Variants in PTPRD observed in about 807,000 individuals in gnomAD.
PTPRD encodes the protein receptor-type tyrosine-protein phosphatase delta.
A neutral mutation model predicts 214.5 loss-of-function variants in PTPRD; 34 were observed. That is an observed-to-expected ratio of 0.16 (90% CI 0.12 to 0.21). The LOEUF is 0.21. Ranked by LOEUF, PTPRD falls within the 10% of genes least tolerant of loss-of-function variation. PTPRD has a pLI of 1.00. For synonymous variants in PTPRD, 1,128 were observed against 845.7 expected, an observed-to-expected ratio of 1.33 and a Z score of -5.79; for missense variants, 2,545 against 2,398.7, an observed-to-expected ratio of 1.06 and a Z score of -1.27.
At chr9:8,441,838 T>A (rs991039108) in intron 34 of PTPRD, among the ~76,000 whole-genome samples, 1 of 152,256 alleles carries the variant, frequency 6.6e-6, no homozygotes. Context: ...TGTAGCTACA[T>A]GAGGAATCTG....
chr9:9,804,542 T>C (rs920176100), intron 5 of PTPRD, among the ~76,000 whole-genome samples: 1 of 152,148 alleles, frequency 6.6e-6, no homozygotes, highest in African/African-American at 2.4e-5. Flanking sequence ...CCTTAACTCT[T>C]TTGAGGAAGA....
intron 11 of PTPRD, among the ~76,000 whole-genome samples, chr9:8,955,742 T>C (rs1588825845): frequency 6.6e-6 from 1 of 151,828 alleles, no homozygotes; most frequent in East Asian, 1.9e-4. Flanking sequence ...CTAAAATGTA[T>C]GCCTTTTAAT....
intron 11 of PTPRD, among the ~76,000 whole-genome samples, chr9:8,935,672 G>A (rs973246657): frequency 6.6e-6 from 1 of 152,154 alleles, no homozygotes; most frequent in Non-Finnish European, 1.5e-5. Flanking sequence ...TTGCTTCACT[G>A]GGGAAGGCCC....
chr9:10,449,342 T>C (rs2130743858), intron 2 of PTPRD, among the ~76,000 whole-genome samples: 1 of 152,000 alleles, frequency 6.6e-6, no homozygotes, highest in South Asian at 2.1e-4. Flanking sequence ...CACTCAGTGC[T>C]CAATGTCGCC....
intron 4 of PTPRD, among the ~76,000 whole-genome samples, chr9:9,989,945 C>A (rs2095855987): frequency 6.6e-6 from 1 of 152,164 alleles, no homozygotes; most frequent in African/African-American, 2.4e-5. Context: ...AGAAAGCAAG[C>A]CACCCCTTCA....
chr9:8,993,565 G>C (rs539114338), intron 11 of PTPRD, among the ~76,000 whole-genome samples: 2 of 152,062 alleles, frequency 1.3e-5, no homozygotes, highest in Non-Finnish European at 2.9e-5. Context: ...AGAATGCAAT[G>C]ATATATTTGG....
At chr9:8,371,322 A>C (rs536594801) in intron 39 of PTPRD, among the ~76,000 whole-genome samples, 1 of 152,250 alleles carries the variant, frequency 6.6e-6, no homozygotes, top group South Asian at 2.1e-4. Context: ...AAAATGCCAT[A>C]TGTAATTCAA....
rs2098611329 is a variant in PTPRD, at chr9:10,105,153, C to A, written c.-544-71363G>T. Among the ~76,000 whole-genome samples, 3 of 151,842 alleles carry A rather than the reference C, an allele frequency of 2.0e-5. No homozygotes were observed. The South Asian group carries it at 6.2e-4, about 32-fold the overall frequency. On this transcript the variant is annotated intron_variant, in intron 3 of 45. Coordinates refer to ENST00000381196, the MANE Select transcript of PTPRD (RefSeq NM_002839.4). ...ACTCTTTGAGGATGGGAATTATTAT[C>A]ATTTATTATTTTACTGATTTTTTTT...
chr9:8,814,291 T>C (rs1192380943), intron 11 of PTPRD, among the ~76,000 whole-genome samples: 4 of 152,122 alleles, frequency 2.6e-5, no homozygotes, highest in Admixed American at 2.0e-4. Context: ...TATGCGGCTA[T>C]GAAGTGCCCT....
At chr9:9,671,368 G>T (rs2096829233) in intron 7 of PTPRD, among the ~76,000 whole-genome samples, 1 of 152,114 alleles carries the variant, frequency 6.6e-6, no homozygotes, top group Admixed American at 6.5e-5. Context: ...GATTTTACAG[G>T]CTCATAGGCA....
At chr9:8,966,570 A>C (rs2099196616) in intron 11 of PTPRD, among the ~76,000 whole-genome samples, 1 of 152,120 alleles carries the variant, frequency 6.6e-6, no homozygotes, top group South Asian at 2.1e-4. Flanking sequence ...CAGAAGAATG[A>C]AACTAGACCC....
intron 3 of PTPRD, among the ~76,000 whole-genome samples, chr9:10,265,551 A>G (rs1245684068): frequency 6.6e-6 from 1 of 152,242 alleles, no homozygotes; most frequent in Non-Finnish European, 1.5e-5. Flanking sequence ...AGGGCCAGAT[A>G]GTAAACATTT....
chr9:10,122,532 A>AT (rs1310253428), intron 3 of PTPRD, among the ~76,000 whole-genome samples: 2 of 152,220 alleles, frequency 1.3e-5, no homozygotes, highest in East Asian at 3.9e-4. Flanking sequence ...AGAAAAAAAA[A>AT]CATCCTTTTG....
At chr9:8,874,090 T>G (rs1277106272) in intron 11 of PTPRD, among the ~76,000 whole-genome samples, 1 of 152,222 alleles carries the variant, frequency 6.6e-6, no homozygotes, top group African/African-American at 2.4e-5. Context: ...AACACTTGTT[T>G]GCCTTGGGCA....
chr9:9,975,432 C>A (rs377103025), intron 4 of PTPRD, among the ~76,000 whole-genome samples: 1 of 152,182 alleles, frequency 6.6e-6, no homozygotes, highest in Non-Finnish European at 1.5e-5. Context: ...GTGGACAATG[C>A]GTTAAGCGAT....
intron 9 of PTPRD, among the ~76,000 whole-genome samples, chr9:9,375,587 C>A (rs1569567800): frequency 6.6e-6 from 1 of 152,050 alleles, no homozygotes; most frequent in Non-Finnish European, 1.5e-5. Context: ...CAGGGCAAGA[C>A]TCCGTCTCAA....
chr9:10,002,337 T>A (rs2096343533), intron 4 of PTPRD, among the ~76,000 whole-genome samples: 1 of 146,636 alleles, frequency 6.8e-6, no homozygotes, highest in African/African-American at 2.5e-5. Flanking sequence ...TATAAATATA[T>A]ATATATATAT....
chr9:10,253,340 C>T (rs1178540982), intron 3 of PTPRD, among the ~76,000 whole-genome samples: 5 of 152,118 alleles, frequency 3.3e-5, no homozygotes, highest in African/African-American at 1.2e-4. Flanking sequence ...ATAGTACCAG[C>T]AATTTTATGC....
At chr9:8,464,212 C>T (rs1305484263) in intron 32 of PTPRD, among the ~76,000 whole-genome samples, 1 of 151,898 alleles carries the variant, frequency 6.6e-6, no homozygotes, top group Non-Finnish European at 1.5e-5. Context: ...TACCTCAATG[C>T]TCTAAGTATG....
Sources: allele counts gnomAD v4.1 joint callset (sites outside exome capture counted in the v4.1 genomes callset), GRCh38; gene constraint gnomAD v4.1.1; transcripts MANE v1.5; gene names NCBI Gene and HGNC (gene_info 2026-07-23, HGNC 2026-07-21).